Variants in RASA3 observed in about 807,000 individuals in gnomAD.
RASA3 encodes the protein ras GTPase-activating protein 3.
In RASA3, 73 loss-of-function variants were observed where a neutral mutation model predicts 110.0. The observed-to-expected ratio is 0.66, with a 90% CI of 0.55 to 0.81. RASA3 has a LOEUF of 0.81. RASA3 is among the 30% of genes least tolerant of loss of function. The probability of loss-of-function intolerance (pLI) is 0.00; values close to 1 mark genes in which losing one functional copy is unlikely to be tolerated. For missense variants in RASA3, 976 were observed against 1,113.2 expected (o/e 0.88, Z 1.75); for synonymous variants, 500 against 451.4 (o/e 1.11, Z -1.37).
intron 1 of RASA3, among the ~76,000 whole-genome samples, chr13:114,129,041 C>T (rs926808391): frequency 2.8e-4 from 43 of 152,232 alleles, no homozygotes; most frequent in Admixed American, 1.4e-3. Context: ...ATTGTGGAAA[C>T]GGAAGACATC....
At chr13:114,105,440 G>T (rs2080120463) in intron 1 of RASA3, among the ~76,000 whole-genome samples, 2 of 152,188 alleles carry the variant, frequency 1.3e-5, no homozygotes, top group African/African-American at 4.8e-5. Context: ...TTTATGAGGA[G>T]CCCGGCTTTG....
chr13:114,019,066 C>G, intron 9 of RASA3, 147 bp from the exon 10 acceptor site: 1 of 1,020,750 alleles, frequency 9.8e-7, no homozygotes, highest in Non-Finnish European at 1.4e-6. Flanking sequence ...TGGGGACTCC[C>G]CACCGAAGAC....
intron 3 of RASA3, among the ~76,000 whole-genome samples, chr13:114,043,079 G>C (rs984785675): frequency 4.6e-5 from 7 of 152,166 alleles, no homozygotes; most frequent in Admixed American, 1.3e-4. Context: ...TCCATTCCGT[G>C]ACTAATCTCA....
intron 1 of RASA3, among the ~76,000 whole-genome samples, chr13:114,080,415 G>C (rs1056861339): frequency 6.6e-6 from 1 of 152,180 alleles, no homozygotes; most frequent in Admixed American, 6.5e-5. Context: ...CCGTCCAGGG[G>C]GTCTGCCTGT....
chr13:114,069,967 G>C (rs1164065985), intron 2 of RASA3, among the ~76,000 whole-genome samples: 2 of 67,770 alleles, frequency 3.0e-5, no homozygotes, highest in African/African-American at 1.3e-4. Flanking sequence ...TCAGGGAGCC[G>C]GGAGACTTGG....
At chr13:114,095,249 G>C (rs1272467387) in intron 1 of RASA3, among the ~76,000 whole-genome samples, 1 of 151,988 alleles carries the variant, frequency 6.6e-6, no homozygotes, top group Non-Finnish European at 1.5e-5. Flanking sequence ...ATTTTTTATT[G>C]AGATGTAATT....
intron 1 of RASA3, among the ~76,000 whole-genome samples, chr13:114,119,177 T>TA (rs1237178300): frequency 1.3e-5 from 2 of 152,076 alleles, no homozygotes; most frequent in Non-Finnish European, 2.9e-5. Context: ...AAAATAAACT[T>TA]AAAAAAAGGC....
At chr13:114,125,154 C>T (rs1365179953) in intron 1 of RASA3, among the ~76,000 whole-genome samples, 3 of 152,154 alleles carry the variant, frequency 2.0e-5, no homozygotes, top group Non-Finnish European at 4.4e-5. Context: ...TGTGGTTTGG[C>T]CTGGGCTTAA....
chr13:114,117,622 A>G (rs1198727735), intron 1 of RASA3, among the ~76,000 whole-genome samples: 1 of 130,866 alleles, frequency 7.6e-6, no homozygotes, highest in East Asian at 2.4e-4. Context: ...TGAGGGGTGC[A>G]CGTGTCTGAG....
chr13:114,050,754 T>C (rs537220711), intron 3 of RASA3, among the ~76,000 whole-genome samples: 23 of 152,108 alleles, frequency 1.5e-4, no homozygotes, highest in African/African-American at 3.9e-4. Flanking sequence ...TCATGCCCCC[T>C]CTCTCTCTCA....
chr13:114,123,293 C>T (rs886432297), intron 1 of RASA3, among the ~76,000 whole-genome samples: 4 of 152,210 alleles, frequency 2.6e-5, no homozygotes, highest in African/African-American at 9.7e-5. Context: ...AAACTAGCTG[C>T]TCCAGCACCT....
chr13:113,995,154 G>A (rs774531339), intron 21 of RASA3, among the ~76,000 whole-genome samples: 1 of 152,244 alleles, frequency 6.6e-6, no homozygotes. Context: ...TAAATGGCCT[G>A]GAAGGAAGCC....
intron 13 of RASA3, among the ~76,000 whole-genome samples, chr13:114,015,681 T>C (rs886802478): frequency 6.6e-6 from 1 of 152,212 alleles, no homozygotes; most frequent in Non-Finnish European, 1.5e-5. Flanking sequence ...AGAAGTATCA[T>C]GTGAAGTGAC....
At position 114,011,044 on chromosome 13, in the gene RASA3, G is replaced by A. The variant is rs2053627317; in HGVS notation, c.1590+127C>T. On this transcript the variant is annotated intron_variant, in intron 16 of 23. Transcript: ENST00000334062. The surrounding 1 kb of genome is among the most constrained non-coding windows in gnomAD (Gnocchi z 4.8). The stretch of plus-strand genomic sequence containing the variant: ...CCTGGGTTTCAAGAGAGGATGTGGT[G>A]CCGGCTTTGATTCTTGATCTTTATC... 1.1e-6 allele frequency: 1 copy of A among 895,518 alleles called. No homozygotes were observed. The highest frequency in any genetic ancestry group is 1.8e-6 in the Non-Finnish European group (1 of 564,276). 55.5% of individuals were successfully genotyped at this position (895,518 alleles called of 1,614,324 possible). A position where few individuals can be genotyped will look rare whatever the true frequency, so the allele number is the denominator to read the frequency against.
intron 2 of RASA3, 101 bp from the exon 3 acceptor site, chr13:114,052,256 A>C: frequency 1.3e-6 from 1 of 752,752 alleles, no homozygotes; most frequent in Non-Finnish European, 2.3e-6. Context: ...TGCCATAAGA[A>C]TGCCCTGCAC....
At chr13:114,027,253 C>T in intron 7 of RASA3, 136 bp downstream of exon 7, 3 of 783,418 alleles carry the variant, frequency 3.8e-6, no homozygotes, top group Non-Finnish European at 6.1e-6. Flanking sequence ...GAACCCAGGG[C>T]CGGCTGGCGG....
chr13:114,033,909 G>A (rs891325461), intron 4 of RASA3, among the ~76,000 whole-genome samples: 16 of 152,330 alleles, frequency 1.1e-4, no homozygotes, highest in Middle Eastern at 3.4e-3. Flanking sequence ...CACTGTGGGC[G>A]GGGAAAACAG....
At chr13:114,034,243 C>T (rs2054237628) in intron 4 of RASA3, among the ~76,000 whole-genome samples, 1 of 152,382 alleles carries the variant, frequency 6.6e-6, no homozygotes, top group East Asian at 1.9e-4. Flanking sequence ...AACCAAGAAT[C>T]CCCACTGCTT....
rs574534573 is a variant in RASA3 at position 114,013,333 on chromosome 13, G to A, written c.1406-85C>T. Reference sequence around the variant, plus strand: ...CCATGCCCCGGCCCCCTGAGGGTCCGCAGGGAAGTCCAGCCACAGTCCTGG... The same window carrying A: ...CCATGCCCCGGCCCCCTGAGGGTCCACAGGGAAGTCCAGCCACAGTCCTGG... On this transcript the variant is annotated intron_variant, in intron 14 of 23. Coordinates refer to ENST00000334062, the MANE Select transcript of RASA3 (RefSeq NM_007368.4). 2.5e-5 allele frequency: 24 copies of A among 945,860 alleles called. No individual in the cohort carries two copies. The Middle Eastern group carries it at 1.3e-3, about 52-fold the overall frequency. 58.6% of individuals were successfully genotyped at this position (945,860 alleles called of 1,614,324 possible). A position where few individuals can be genotyped will look rare whatever the true frequency, so the allele number is the denominator to read the frequency against.
Sources: gnomAD v4.1 joint callset for allele counts (sites outside exome capture counted in the v4.1 genomes callset) on GRCh38, gnomAD v4.1.1 for gene constraint, Gnocchi (gnomAD v3.1) non-coding constraint, MANE v1.5 for transcripts, NCBI Gene and HGNC (gene_info 2026-07-23, HGNC 2026-07-21) for gene names.